Variants in TRIM33 observed in about 807,000 individuals in gnomAD.
TRIM33 encodes tripartite motif containing 33.
TRIM33 carries 20 observed loss-of-function variants against 125.4 expected under a neutral mutation model. The ratio of observed to expected loss-of-function variants is 0.16; its 90% CI spans 0.11 to 0.23. The LOEUF (loss-of-function observed/expected upper bound fraction) is 0.23. Ranked by LOEUF, TRIM33 falls within the 10% of genes least tolerant of loss-of-function variation. The pLI is 1.00. For synonymous variants in TRIM33, 564 were observed against 513.9 expected (o/e 1.10, Z -1.32); for missense variants, 920 against 1,411.4 (o/e 0.65, Z 5.58).
At chr1:114,402,701 G>A (rs1300535230) in intron 16 of TRIM33, 59 bp downstream of exon 16, 2 of 1,557,976 alleles carry the variant, frequency 1.3e-6, no homozygotes, top group East Asian at 2.3e-5. Flanking sequence ...AAAAAAAGGT[G>A]TATATATAGG....
At chr1:114,399,332 GT>G in intron 18 of TRIM33, 124 bp downstream of exon 18, 1 of 786,724 alleles carries the variant, frequency 1.3e-6, no homozygotes, top group Non-Finnish European at 1.9e-6. Context: ...ACAATCAGAT[GT>G]TACTTTTGAC....
chr1:114,431,311 T>C (rs865932402), intron 5 of TRIM33, among the ~76,000 whole-genome samples: 6 of 152,340 alleles, frequency 3.9e-5, no homozygotes, highest in Middle Eastern at 6.8e-3. Flanking sequence ...GCAATAATTA[T>C]CTTTTGAAAG....
At chr1:114,482,493 GAA>G (rs1651421286) in intron 1 of TRIM33, among the ~76,000 whole-genome samples, 1 of 152,188 alleles carries the variant, frequency 6.6e-6, no homozygotes, top group African/African-American at 2.4e-5. Context: ...GGGAGATAGA[GAA>G]GACAGATTGG....
rs1458446190 is a variant in TRIM33 at position 114,494,186 on chromosome 1, T to A, written c.526+16365A>T. Among the ~76,000 whole-genome samples, 4 of 152,010 alleles carry A rather than the reference T, an allele frequency of 2.6e-5. No individual in the cohort carries two copies. The South Asian group carries it at 8.3e-4, about 32-fold the overall frequency. On this transcript the variant is annotated intron_variant, in intron 1 of 19. Coordinates refer to ENST00000358465, the MANE Select transcript of TRIM33 (RefSeq NM_015906.4). ...TATGTTGCCCAAGCGAGTCTTGAAC[T>A]TCAGGCTCAAGTGATCCTCCTGCCT... is the stretch of plus-strand genomic sequence containing the variant.
At chr1:114,461,475 GA>G (rs1649997443) in intron 4 of TRIM33, among the ~76,000 whole-genome samples, 1 of 151,422 alleles carries the variant, frequency 6.6e-6, no homozygotes, top group African/African-American at 2.4e-5. Flanking sequence ...AAGCTGGCGA[GA>G]ATCAGTCAAT....
chr1:114,436,123 C>T (rs1411304727), intron 4 of TRIM33, among the ~76,000 whole-genome samples: 2 of 151,444 alleles, frequency 1.3e-5, no homozygotes, highest in Admixed American at 1.3e-4. Flanking sequence ...ATAGCACAGG[C>T]CAGGCGTGGT....
At position 114,410,468 on chromosome 1, in the gene TRIM33, G is replaced by A. The variant is rs541009772; in HGVS notation, c.2062-152C>T. 1.1e-5 allele frequency: 8 copies of A among 759,242 alleles called. No individual in the cohort carries two copies. The East Asian group carries it at 2.2e-4, about 21-fold the overall frequency. 47.0% of individuals were successfully genotyped at this position (759,242 alleles called of 1,614,324 possible). The stretch of plus-strand genomic sequence containing the variant: ...TTATTGCTTCCTTAGGGTCCACTGA[G>A]GGCCCACACAGTATAAAGTTTATTT... On this transcript the variant is annotated intron_variant, in intron 11 of 19. Transcript: ENST00000358465.
At chr1:114,456,151 C>T (rs570698672) in intron 4 of TRIM33, among the ~76,000 whole-genome samples, 1 of 152,238 alleles carries the variant, frequency 6.6e-6, no homozygotes, top group South Asian at 2.1e-4. Context: ...TTGGGATAGA[C>T]AGTATGTTTG....
Position 114,511,022 on chromosome 1 carries a change from T to C in TRIM33, c.55A>G (p.Ser19Gly). 5.3e-6 allele frequency: 7 copies of C among 1,320,900 alleles called. No individual in the cohort carries two copies. The highest frequency in any genetic ancestry group is 6.8e-6 in the Non-Finnish European group (7 of 1,035,586). 81.8% of individuals were successfully genotyped at this position (1,320,900 alleles called of 1,614,324 possible). A position where few individuals can be genotyped will look rare whatever the true frequency, so the allele number is the denominator to read the frequency against. ...EAESGGGGSG[S>G]APVTAGAAGP... The stretch of plus-strand genomic sequence containing the variant: ...GCGGCCCCGGCAGTTACCGGCGCGC[T>C]GCCGCTGCCCCCGCCGCCGCTCTCA... The change falls in exon 1 of 20, where the codon AGC (serine) becomes GGC (glycine). Residue 19 changes from serine to glycine, a missense_variant. By Grantham distance (56) the Ser-to-Gly change is moderately conservative. This residue lies in a region of TRIM33 where 233 missense variants were observed against 189.6 expected (regional missense o/e 1.23). Coordinates refer to ENST00000358465, the MANE Select transcript of TRIM33 (RefSeq NM_015906.4).
At chr1:114,415,580 T>G (rs67882944) in intron 11 of TRIM33, among the ~76,000 whole-genome samples, 31,820 of 152,152 alleles carry the variant, frequency 0.21, 3,601 homozygotes, top group Non-Finnish European at 0.25. Context: ...ATGTAGGATC[T>G]TCTGCCTCTA....
chr1:114,412,847 C>T (rs758694007), intron 11 of TRIM33, among the ~76,000 whole-genome samples: 2 of 152,168 alleles, frequency 1.3e-5, no homozygotes, highest in Non-Finnish European at 2.9e-5. Flanking sequence ...AGAAATATTT[C>T]CTGTTTTCTT....
intron 4 of TRIM33, among the ~76,000 whole-genome samples, chr1:114,436,872 AT>A (rs1160145903): frequency 6.6e-6 from 1 of 152,232 alleles, no homozygotes; most frequent in Non-Finnish European, 1.5e-5. Context: ...TCTACATCCA[AT>A]AAAAACTATT....
chr1:114,451,644 G>A, intron 4 of TRIM33, among the ~76,000 whole-genome samples: 1 of 151,744 alleles, frequency 6.6e-6, no homozygotes, highest in East Asian at 1.9e-4. Flanking sequence ...TAAATAAAGA[G>A]AAAAAAATAA....
chr1:114,426,214 G>T (rs1647563065), intron 8 of TRIM33, among the ~76,000 whole-genome samples: 1 of 152,140 alleles, frequency 6.6e-6, no homozygotes, highest in Non-Finnish European at 1.5e-5. Context: ...GGTTTTCCTT[G>T]CTTTTTATGG....
At chr1:114,493,549 T>C (rs1652195507) in intron 1 of TRIM33, among the ~76,000 whole-genome samples, 1 of 152,152 alleles carries the variant, frequency 6.6e-6, no homozygotes. Context: ...CCTACCAAAG[T>C]GCTATGATTA....
chr1:114,434,926 A>G (rs1329089653), intron 4 of TRIM33, among the ~76,000 whole-genome samples: 1 of 152,194 alleles, frequency 6.6e-6, no homozygotes, highest in Non-Finnish European at 1.5e-5. Flanking sequence ...AAAATATACA[A>G]AAGTCAGAAT....
chr1:114,444,653 G>A (rs893518620), intron 4 of TRIM33, among the ~76,000 whole-genome samples: 3 of 152,144 alleles, frequency 2.0e-5, no homozygotes, highest in African/African-American at 7.2e-5. Context: ...CCCTAACAAA[G>A]CATAAAACCA....
chr1:114,406,838 A>C (rs1652275751), intron 14 of TRIM33, 103 bp downstream of exon 14: 6 of 1,176,468 alleles, frequency 5.1e-6, no homozygotes, highest in Non-Finnish European at 5.9e-6. Context: ...AATTTCAAAA[A>C]TAAATGTTTC....
intron 1 of TRIM33, among the ~76,000 whole-genome samples, chr1:114,505,789 A>T (rs1052652275): frequency 3.7e-4 from 56 of 151,932 alleles, no homozygotes; most frequent in Admixed American, 3.3e-4. Context: ...GCTGATCTCG[A>T]ACTCCTGACC....
Sources: gnomAD v4.1 joint callset for allele counts (sites outside exome capture counted in the v4.1 genomes callset) on GRCh38, gnomAD v4.1.1 for gene constraint, gnomAD v4.1.1 regional missense constraint, MANE v1.5 for transcripts, NCBI Gene and HGNC (gene_info 2026-07-23, HGNC 2026-07-21) for gene names.